Variants in RTN4IP1 observed in about 807,000 individuals in gnomAD.
RTN4IP1 encodes NAD(P)H oxidoreductase RTN4IP1, mitochondrial.
A neutral mutation model predicts 46.6 loss-of-function variants in RTN4IP1; 32 were observed. That is an observed-to-expected ratio of 0.69 (90% CI 0.52 to 0.92). RTN4IP1 has a LOEUF of 0.92. RTN4IP1 is among the 40% of genes least tolerant of loss of function. RTN4IP1 has a pLI of 0.00. For missense variants in RTN4IP1, 424 were observed against 485.8 expected (o/e 0.87, Z 1.20); for synonymous variants, 167 against 161.8 (o/e 1.03, Z -0.24).
chr6:106,583,356 T>C lies in RTN4IP1; in HGVS notation c.1055A>G (p.Asp352Gly). 1 of 1,613,776 alleles carries C rather than the reference T, an allele frequency of 6.2e-7. No homozygotes were observed. Among genetic ancestry groups the C allele is most frequent in the South Asian group, 1.1e-5 (1 of 91,042 alleles). ...TCCCGCATCCACCAGTTCTGCAATGTCATCTAAACATGGGCCACTGGCCAT... is the reference window on the plus strand; with the variant it reads ...TCCCGCATCCACCAGTTCTGCAATGCCATCTAAACATGGGCCACTGGCCAT... ...FFMASGPCLD[D>G]IAELVDAGKI... is the part of the protein sequence containing the mutation. The change falls in exon 8 of 9, where the codon GAC becomes GGC. Residue 352 changes from aspartate to glycine, a missense_variant. Transcript: ENST00000369063.
At chr6:106,618,383 AAAC>A (rs1161152957) in intron 4 of RTN4IP1, among the ~76,000 whole-genome samples, 2 of 152,206 alleles carry the variant, frequency 1.3e-5, no homozygotes, top group Admixed American at 6.5e-5. Context: ...TCTCAACAAA[AAAC>A]AAAATCATCA....
chr6:106,593,462 A>C lies in RTN4IP1; in HGVS notation c.670-1162T>G, dbSNP rs552761294. On this transcript the variant is annotated intron_variant, in intron 5 of 8. Coordinates refer to ENST00000369063, the MANE Select transcript of RTN4IP1 (RefSeq NM_032730.5). ...GAGAATAGCCACTTGAAGATTACTA[A>C]GAAATTTTTGTGCAGATAATTATAG... is the stretch of plus-strand genomic sequence containing the variant. Among the ~76,000 whole-genome samples the C allele has an allele frequency of 8.3e-4, 127 of 152,204 alleles. 1 individual carries two copies. Among genetic ancestry groups the C allele is most frequent in the Non-Finnish European group, 1.5e-3 (105 of 68,016 alleles).
Position 106,602,894 on chromosome 6 carries a change from C to G in RTN4IP1, c.649G>C (p.Val217Leu). The change falls in exon 5 of 9, where the codon GTT becomes CTT. Residue 217 changes from valine (V) to leucine (L), a missense_variant. Transcript: ENST00000369063. Reference sequence around the variant, plus strand: ...TTTACCTGTATAGCAAAAGTACCAACTCCGCCTGAAGCGCCTAAGATTAGA... The same window carrying G: ...TTTACCTGTATAGCAAAAGTACCAAGTCCGCCTGAAGCGCCTAAGATTAGA... ...RVLILGASGG[V>L]GTFAIQVMKA... 6.2e-7 allele frequency: 1 copy of G among 1,604,674 alleles called. No individual in the cohort carries two copies. Among genetic ancestry groups the G allele is most frequent in the Non-Finnish European group, 8.5e-7 (1 of 1,176,478 alleles).
chr6:106,617,410 A>G (rs1262682021), intron 4 of RTN4IP1, among the ~76,000 whole-genome samples: 1 of 152,228 alleles, frequency 6.6e-6, no homozygotes, highest in Admixed American at 6.5e-5. Context: ...AATACAAGAT[A>G]TCATCACCTA....
chr6:106,588,565 C>A (rs1166543534), intron 6 of RTN4IP1, among the ~76,000 whole-genome samples: 1 of 152,166 alleles, frequency 6.6e-6, no homozygotes, highest in Non-Finnish European at 1.5e-5. Context: ...AGATATTCAA[C>A]TTCTTACATC....
chr6:106,594,436 G>T (rs563872730), intron 5 of RTN4IP1, among the ~76,000 whole-genome samples: 1 of 152,238 alleles, frequency 6.6e-6, no homozygotes, highest in Non-Finnish European at 1.5e-5. Flanking sequence ...TTGAGCCGGC[G>T]GGGGTGGAGG....
rs6911670 is a variant in RTN4IP1, at chr6:106,589,794, A to T, written c.807-1932T>A. On this transcript the variant is annotated intron_variant, in intron 6 of 8. Coordinates refer to ENST00000369063, the MANE Select transcript of RTN4IP1 (RefSeq NM_032730.5). ...CAAACTCCAGGCAGAAATTACAAAG[A>T]TCAATTTTAACTAAAGCTATCAAAG... 2.2e-3 allele frequency among the ~76,000 whole-genome samples: 331 copies of T among 152,348 alleles called. 1 individual carries two copies. Among genetic ancestry groups the T allele is most frequent in the African/African-American group, 7.1e-3 (297 of 41,574 alleles).
chr6:106,579,594 G>A (rs1775309222), intron 8 of RTN4IP1, among the ~76,000 whole-genome samples: 1 of 152,056 alleles, frequency 6.6e-6, no homozygotes, highest in Non-Finnish European at 1.5e-5. Flanking sequence ...ACTGAGTGCT[G>A]CACTGGGAGA....
intron 5 of RTN4IP1, among the ~76,000 whole-genome samples, chr6:106,599,878 T>C (rs929146023): frequency 2.6e-5 from 4 of 151,946 alleles, no homozygotes; most frequent in African/African-American, 7.3e-5. Flanking sequence ...TATTGACATT[T>C]AGTAGATGCC....
chr6:106,573,579 A>T (rs1775139464), intron 8 of RTN4IP1, among the ~76,000 whole-genome samples: 1 of 152,242 alleles, frequency 6.6e-6, no homozygotes, highest in Non-Finnish European at 1.5e-5. Flanking sequence ...TAGAGATTTC[A>T]TCTCATTTAA....
Position 106,629,374 on chromosome 6 carries a change from G to A in RTN4IP1, c.-353C>T. ...CCCTGCCCTGTCCTGGGAGCCCTCG[G>A]CGGGACAAGCAGACACCGCTCGCGA... On this transcript the variant is annotated 5_prime_UTR_variant, in exon 1 of 9. Transcript: ENST00000369063. 1.8e-6 allele frequency: 1 copy of A among 557,282 alleles called. No homozygotes were observed. Among genetic ancestry groups the A allele is most frequent in the Non-Finnish European group, 3.2e-6 (1 of 314,368 alleles). 34.5% of individuals were successfully genotyped at this position (557,282 alleles called of 1,614,324 possible).
chr6:106,629,137 A>G lies in RTN4IP1; in HGVS notation c.-116T>C. ...CCACGGGCTAGTTTCAAAATTAAGC[A>G]TGCAAAACGGAGCATTCGAAAATGA... On this transcript the variant is annotated 5_prime_UTR_variant, in exon 1 of 9. An upstream start codon of the reference 5' UTR is lost. Coordinates refer to ENST00000369063, the MANE Select transcript of RTN4IP1 (RefSeq NM_032730.5). The G allele has an allele frequency of 1.0e-6, 1 of 961,742 alleles. No individual in the cohort carries two copies. Among genetic ancestry groups the G allele is most frequent in the Non-Finnish European group, 1.5e-6 (1 of 648,116 alleles). The allele number at this position is 961,742 out of a possible 1,614,324, so 59.6% of individuals were successfully genotyped here.
intron 4 of RTN4IP1, 33 bp downstream of exon 4, chr6:106,619,169 G>A (rs772158801): frequency 6.2e-6 from 10 of 1,611,614 alleles, no homozygotes; most frequent in Non-Finnish European, 8.5e-6. Flanking sequence ...AAAGAAAAGA[G>A]GTTTAGATGC....
rs1025800148 is a variant in RTN4IP1, at chr6:106,621,424, C to T, written c.495+1G>A. 6.2e-7 allele frequency: 1 copy of T among 1,610,140 alleles called. No homozygotes were observed. The highest frequency in any genetic ancestry group is 1.3e-5 in the African/African-American group (1 of 74,836). The stretch of plus-strand genomic sequence containing the variant: ...GCATTTCAGCAGAGTTGGTAAGTTA[C>T]CTCATTCCCACTGACTACAACAAAC... On this transcript the variant is annotated splice_donor_variant, in intron 3 of 8. Transcript: ENST00000369063. LOFTEE classifies it high-confidence loss of function.
chr6:106,615,152 CA>C lies in RTN4IP1; in HGVS notation c.620+4049del, dbSNP rs369909612. On this transcript the variant is annotated intron_variant, in intron 4 of 8. Coordinates refer to ENST00000369063, the MANE Select transcript of RTN4IP1 (RefSeq NM_032730.5). ...CCTAACAATACAACCCAGTCAGGTG[CA>C]AATGAAAACTTAAAGTCCAAAAGGG... 9.5e-4 allele frequency among the ~76,000 whole-genome samples: 144 copies of C among 152,120 alleles called. 2 individuals are homozygous for C. The highest frequency in any genetic ancestry group is 3.3e-3 in the African/African-American group (138 of 41,500).
intron 8 of RTN4IP1, among the ~76,000 whole-genome samples, chr6:106,579,224 G>GA (rs1775300710): frequency 6.7e-6 from 1 of 149,396 alleles, no homozygotes; most frequent in Non-Finnish European, 1.5e-5. Context: ...GACAGAGCAA[G>GA]ACTACATCTC....
intron 1 of RTN4IP1, among the ~76,000 whole-genome samples, chr6:106,624,101 G>A (rs1776567917): frequency 6.6e-6 from 1 of 152,130 alleles, no homozygotes; most frequent in Non-Finnish European, 1.5e-5. Context: ...CTGTCATGAG[G>A]CTGGAGTGCA....
intron 8 of RTN4IP1, among the ~76,000 whole-genome samples, chr6:106,577,693 G>A (rs1437409082): frequency 2.0e-5 from 3 of 152,148 alleles, no homozygotes; most frequent in Non-Finnish European, 4.4e-5. Context: ...AGGATCCTGA[G>A]ATGCAGAGAT....
intron 4 of RTN4IP1, among the ~76,000 whole-genome samples, chr6:106,606,471 G>A (rs1020663872): frequency 6.6e-6 from 1 of 151,966 alleles, no homozygotes. Context: ...TTAAAAATCA[G>A]TGGCATTTCT....
Sources: gnomAD v4.1 joint callset for allele counts (sites outside exome capture counted in the v4.1 genomes callset) on GRCh38, gnomAD v4.1.1 for gene constraint, MANE v1.5 for transcripts, NCBI Gene and HGNC (gene_info 2026-07-23, HGNC 2026-07-21) for gene names.